The following TMEM150C variants were observed in gnomAD, a reference collection of about 807,000 sequenced individuals.
TMEM150C encodes transmembrane protein 150C.
TMEM150C carries 10 observed loss-of-function variants against 29.9 expected under a neutral mutation model. The ratio of observed to expected loss-of-function variants is 0.33; its 90% CI spans 0.21 to 0.57. TMEM150C has a LOEUF of 0.57. TMEM150C is among the 20% of genes least tolerant of loss of function. The pLI is 0.88. For synonymous variants in TMEM150C, 101 were observed against 112.5 expected (o/e 0.90, Z 0.64); for missense variants, 251 against 303.6 (o/e 0.83, Z 1.29).
intron 1 of TMEM150C, among the ~76,000 whole-genome samples, chr4:82,519,415 T>C (rs1724404477): frequency 7.2e-6 from 1 of 139,570 alleles, no homozygotes; most frequent in Admixed American, 6.9e-5. Flanking sequence ...TTTCTTTTTC[T>C]TTCTTTCTTT....
intron 1 of TMEM150C, among the ~76,000 whole-genome samples, chr4:82,528,493 G>A (rs1396912233): frequency 3.3e-5 from 5 of 152,162 alleles, no homozygotes; most frequent in Non-Finnish European, 7.4e-5. Context: ...AAACAGAGCA[G>A]AGGCAAATGG....
chr4:82,508,029 T>A (rs1019275832), intron 1 of TMEM150C, among the ~76,000 whole-genome samples: 1 of 152,170 alleles, frequency 6.6e-6, no homozygotes, highest in South Asian at 2.1e-4. Flanking sequence ...TTAACTTTGT[T>A]AACTTTGCCT....
At chr4:82,528,567 C>T (rs1391442886) in intron 1 of TMEM150C, among the ~76,000 whole-genome samples, 1 of 151,644 alleles carries the variant, frequency 6.6e-6, no homozygotes, top group African/African-American at 2.4e-5. Context: ...TCTCATTCTC[C>T]TCTCTCTCTT....
chr4:82,502,070 T>C lies in TMEM150C; in HGVS notation c.235+657A>G, dbSNP rs185065357. Among the ~76,000 whole-genome samples the C allele has an allele frequency of 1.5e-4, 23 of 152,208 alleles. No individual in the cohort carries two copies. In the East Asian group the frequency reaches 4.2e-3, roughly 28 times the overall value. Reference sequence around the variant, plus strand: ...TATACAAGGTAGATTAGAAAAAGGATAGAGTGCATGGCTGGTTCCCACCAT... The same window carrying C: ...TATACAAGGTAGATTAGAAAAAGGACAGAGTGCATGGCTGGTTCCCACCAT... On this transcript the variant is annotated intron_variant, in intron 5 of 7. Coordinates refer to ENST00000449862, the MANE Select transcript of TMEM150C (RefSeq NM_001080506.3).
intron 1 of TMEM150C, among the ~76,000 whole-genome samples, chr4:82,555,660 G>A (rs1362174269): frequency 3.9e-5 from 6 of 152,128 alleles, no homozygotes; most frequent in African/African-American, 7.2e-5. Flanking sequence ...TCTATGTATC[G>A]CTATCACATT....
chr4:82,511,844 G>C (rs758788638), intron 1 of TMEM150C, among the ~76,000 whole-genome samples: 1 of 152,136 alleles, frequency 6.6e-6, no homozygotes, highest in East Asian at 1.9e-4. Context: ...TACTGTCTTA[G>C]AGTTTCTATG....
rs115087425 is a variant in TMEM150C, at chr4:82,517,857, T to A, written c.-10-13190A>T. Among the ~76,000 whole-genome samples, 313 of 152,320 alleles carry A rather than the reference T, an allele frequency of 2.1e-3. 1 individual carries two copies. The highest frequency in any genetic ancestry group is 7.3e-3 in the African/African-American group (302 of 41,580). On this transcript the variant is annotated intron_variant, in intron 1 of 7. Coordinates refer to ENST00000449862, the MANE Select transcript of TMEM150C (RefSeq NM_001080506.3). ...ATATATCCTATTGGTTCTGTTTCTC[T>A]GGAAAACTGACTATACAGTCATCAG... is the stretch of plus-strand genomic sequence containing the variant.
At position 82,527,640 on chromosome 4, in the gene TMEM150C, C is replaced by A. The variant is rs150556060; in HGVS notation, c.-10-22973G>T. Reference sequence around the variant, plus strand: ...TGCTTCCCTGTGCTCTCCCTCCATGCCTTCTTCCCATGGATCTGTCCCTTC... The same window carrying A: ...TGCTTCCCTGTGCTCTCCCTCCATGACTTCTTCCCATGGATCTGTCCCTTC... On this transcript the variant is annotated intron_variant, in intron 1 of 7. Coordinates refer to ENST00000449862, the MANE Select transcript of TMEM150C (RefSeq NM_001080506.3). 4.0e-4 allele frequency among the ~76,000 whole-genome samples: 61 copies of A among 152,326 alleles called. 1 individual carries two copies. The East Asian group carries it at 9.9e-3, about 25-fold the overall frequency.
intron 1 of TMEM150C, among the ~76,000 whole-genome samples, chr4:82,528,214 A>G (rs967672633): frequency 4.6e-5 from 7 of 152,226 alleles, no homozygotes; most frequent in Non-Finnish European, 7.3e-5. Context: ...GTGAAGCAGC[A>G]CTGATGCTGG....
intron 6 of TMEM150C, 54 bp from the exon 7 acceptor site, chr4:82,490,292 G>A (rs1723294948): frequency 6.7e-7 from 1 of 1,496,320 alleles, no homozygotes; most frequent in South Asian, 1.2e-5. Flanking sequence ...AAGAAGACAG[G>A]CAAGTTGAAG....
chr4:82,514,185 T>G (rs1724218337), intron 1 of TMEM150C, among the ~76,000 whole-genome samples: 1 of 151,914 alleles, frequency 6.6e-6, no homozygotes, highest in Admixed American at 6.6e-5. Context: ...AGAACCAGAG[T>G]CTAGTCAGGC....
intron 7 of TMEM150C, among the ~76,000 whole-genome samples, 192 bp from the exon 8 acceptor site, chr4:82,485,911 T>C (rs1045877089): frequency 6.6e-6 from 1 of 152,220 alleles, no homozygotes; most frequent in Non-Finnish European, 1.5e-5. Context: ...TATTTGGTGG[T>C]AGACATGCTT....
intron 1 of TMEM150C, among the ~76,000 whole-genome samples, chr4:82,557,734 CTTTTTTT>C (rs767919077): frequency 3.8e-5 from 5 of 131,376 alleles, no homozygotes; most frequent in East Asian, 2.2e-4. Context: ...TTTTCTTTTT[CTTTTTTT>C]TTTTTTTTTT....
In TMEM150C at chr4:82,509,015, A is replaced by G. The variant is rs558982403; in HGVS notation, c.-10-4348T>C. Among the ~76,000 whole-genome samples, 178 of 152,266 alleles carry G rather than the reference A, an allele frequency of 1.2e-3. 1 individual carries two copies. Among genetic ancestry groups the G allele is most frequent in the African/African-American group, 4.0e-3 (167 of 41,564 alleles). ...CCTCCAAATGGTATCATTTATCCAA[A>G]TGATTTGCAAAGCTGTTATCCAGAT... is the stretch of plus-strand genomic sequence containing the variant. On this transcript the variant is annotated intron_variant, in intron 1 of 7. Transcript: ENST00000449862.
In TMEM150C at chr4:82,485,631, G is replaced by C. The variant is rs1222233265; in HGVS notation, c.630C>G (p.Thr210=). The C allele has an allele frequency of 1.2e-6, 2 of 1,610,236 alleles. No individual in the cohort carries two copies. The highest frequency in any genetic ancestry group is 1.7e-6 in the Non-Finnish European group (2 of 1,178,254). ...GGTAATGCCGGAACTCCACGGCAAA[G>C]GTGCCAAAATAAGACAGGAAGCACA... The part of the protein sequence containing the change: ...LVMCFLSYFG[T]FAVEFRHYRY... The change falls in exon 8 of 8, where the codon ACC becomes ACG. Residue 210 remains threonine, a synonymous_variant. Transcript: ENST00000449862.
At chr4:82,503,195 C>T in intron 2 of TMEM150C, 83 bp from the exon 3 acceptor site, 1 of 938,678 alleles carries the variant, frequency 1.1e-6, no homozygotes, top group South Asian at 1.6e-5. Context: ...ACTAACTGCA[C>T]TAATTCATAT....
chr4:82,524,483 GCAAA>G (rs1724591961), intron 1 of TMEM150C, among the ~76,000 whole-genome samples: 1 of 151,968 alleles, frequency 6.6e-6, no homozygotes, highest in East Asian at 1.9e-4. Context: ...CTTTTAAATC[GCAAA>G]CAAATTACTT....
chr4:82,503,090 C>A lies in TMEM150C; in HGVS notation c.103G>T (p.Asp35Tyr). ...GCTGAATTTAATGGTAAAATTTTGTCATCTTCCACAGCTATGAAGTATCTA... is the reference window on the plus strand; with the variant it reads ...GCTGAATTTAATGGTAAAATTTTGTAATCTTCCACAGCTATGAAGTATCTA... Reference protein sequence around the residue: ...WIVYFIAVEDDKILPLNSAER... With the variant: ...WIVYFIAVEDYKILPLNSAER... The change falls in exon 3 of 8, where the codon GAC becomes TAC. Residue 35 changes from aspartate (D) to tyrosine (Y), a missense_variant. By Grantham distance (160) the Asp-to-Tyr change is radical. Coordinates refer to ENST00000449862, the MANE Select transcript of TMEM150C (RefSeq NM_001080506.3). The A allele has an allele frequency of 6.2e-7, 1 of 1,610,606 alleles. No individual in the cohort carries two copies.
At chr4:82,529,937 T>TA (rs1273807553) in intron 1 of TMEM150C, among the ~76,000 whole-genome samples, 4 of 151,636 alleles carry the variant, frequency 2.6e-5, no homozygotes, top group African/African-American at 9.7e-5. Flanking sequence ...AGGAAAGAAG[T>TA]AGAGGCTGAA....
Sources: allele counts gnomAD v4.1 joint callset (sites outside exome capture counted in the v4.1 genomes callset), GRCh38; gene constraint gnomAD v4.1.1; transcripts MANE v1.5; gene names NCBI Gene and HGNC (gene_info 2026-07-23, HGNC 2026-07-21).